COL26A1: variants seen among roughly 807,000 people sequenced by gnomAD.
COL26A1 encodes the protein collagen alpha-1(XXVI) chain.
A neutral mutation model predicts 59.3 loss-of-function variants in COL26A1; 41 were observed. The observed-to-expected ratio is 0.69, with a 90% CI of 0.54 to 0.90. The LOEUF (loss-of-function observed/expected upper bound fraction) is 0.90. Ranked by LOEUF, COL26A1 falls within the 40% of genes least tolerant of loss-of-function variation. The probability of loss-of-function intolerance (pLI) is 0.00; values close to 1 mark genes in which losing one functional copy is unlikely to be tolerated. For synonymous variants in COL26A1, 266 were observed against 256.0 expected (o/e 1.04, Z -0.37); for missense variants, 612 against 602.3 (o/e 1.02, Z -0.17).
rs918213031 is a variant in COL26A1, at chr7:101,399,738, C to T, written c.159-20239C>T. Among the ~76,000 whole-genome samples the T allele has an allele frequency of 3.3e-5, 5 of 152,224 alleles. No homozygotes were observed. The East Asian group carries it at 5.8e-4, about 18-fold the overall frequency. ...CCTCTCAGAGTGCTAGGATTACAGG[C>T]GTGAGCCATTGTGCCCCGCCTTCAT... is the stretch of plus-strand genomic sequence containing the variant. On this transcript the variant is annotated intron_variant, in intron 1 of 12. Transcript: ENST00000313669.
intron 3 of COL26A1, among the ~76,000 whole-genome samples, chr7:101,453,484 A>G (rs969897178): frequency 6.6e-6 from 1 of 152,228 alleles, no homozygotes; most frequent in Non-Finnish European, 1.5e-5. Flanking sequence ...TGGACTGATT[A>G]TGATGAGTTC....
chr7:101,510,056 C>T (rs1794892278), intron 3 of COL26A1, among the ~76,000 whole-genome samples: 1 of 124,192 alleles, frequency 8.1e-6, no homozygotes, highest in Non-Finnish European at 1.5e-5. Flanking sequence ...GGGTCTCACT[C>T]TGTCACCCAG....
chr7:101,518,056 C>A (rs180848995), intron 3 of COL26A1, among the ~76,000 whole-genome samples: 2 of 152,080 alleles, frequency 1.3e-5, no homozygotes, highest in African/African-American at 4.8e-5. Flanking sequence ...TCAAGAGATT[C>A]TCCCACCTCT....
intron 1 of COL26A1, among the ~76,000 whole-genome samples, chr7:101,398,331 G>GA (rs1470320245): frequency 2.0e-5 from 3 of 152,138 alleles, no homozygotes; most frequent in Non-Finnish European, 4.4e-5. Flanking sequence ...TGTCACCTGG[G>GA]AAGTCACAGG....
chr7:101,420,321 C>T (rs1346414333), intron 2 of COL26A1, among the ~76,000 whole-genome samples: 2 of 149,424 alleles, frequency 1.3e-5, no homozygotes, highest in Admixed American at 6.7e-5. Context: ...AACAGAACCA[C>T]ACAACCCAGT....
chr7:101,380,860 A>G (rs1261408980), intron 1 of COL26A1, among the ~76,000 whole-genome samples: 2 of 152,228 alleles, frequency 1.3e-5, no homozygotes, highest in African/African-American at 4.8e-5. Flanking sequence ...AGTAAATTCC[A>G]TAACTAACGA....
intron 3 of COL26A1, among the ~76,000 whole-genome samples, chr7:101,473,470 G>C (rs1259823310): frequency 8.5e-6 from 1 of 118,124 alleles, no homozygotes; most frequent in Non-Finnish European, 1.9e-5. Context: ...AGTCAAACCT[G>C]GTCCCACCAC....
intron 3 of COL26A1, among the ~76,000 whole-genome samples, chr7:101,496,528 G>A (rs1794588277): frequency 6.6e-6 from 1 of 152,140 alleles, no homozygotes; most frequent in African/African-American, 2.4e-5. Flanking sequence ...GGAAGAAGCT[G>A]TGTTCTACGC....
Position 101,496,282 on chromosome 7 carries a change from G to A in COL26A1, c.386-36800G>A, listed in dbSNP as rs73712174. On this transcript the variant is annotated intron_variant, in intron 3 of 12. Coordinates refer to ENST00000313669, the MANE Select transcript of COL26A1 (RefSeq NM_001278563.3). ...GGCCAGGGCCATGGGGTTAATGCCC[G>A]GGTAACTGAATAGGTTCATTGCCCA... Among the ~76,000 whole-genome samples the A allele has an allele frequency of 1.8e-3, 270 of 152,294 alleles. 1 individual carries two copies. Among genetic ancestry groups the A allele is most frequent in the African/African-American group, 6.3e-3 (261 of 41,544 alleles).
intron 1 of COL26A1, among the ~76,000 whole-genome samples, chr7:101,402,807 C>T (rs1288451872): frequency 1.4e-5 from 2 of 143,970 alleles, no homozygotes; most frequent in East Asian, 4.2e-4. Context: ...CTCCTCTCCC[C>T]TCTCCTCCCC....
chr7:101,386,257 GTTTTTTTTTTT>G (rs71106515), intron 1 of COL26A1, among the ~76,000 whole-genome samples: 1 of 117,674 alleles, frequency 8.5e-6, no homozygotes, highest in African/African-American at 3.3e-5. Context: ...GTCCTAGCTT[GTTTTTTTTTTT>G]TTTTTTTTTT....
rs529166819 is a variant in COL26A1 at position 101,491,023 on chromosome 7, G to A, written c.386-42059G>A. Among the ~76,000 whole-genome samples the A allele has an allele frequency of 2.4e-3, 366 of 150,514 alleles. 1 individual carries two copies. Among genetic ancestry groups the A allele is most frequent in the Middle Eastern group, 0.01 (3 of 290 alleles). ...AAATTAGCTGGGCATAGTGGCACAT[G>A]CCTGTATTCCCAGCTACTCAGGAGG... is the stretch of plus-strand genomic sequence containing the variant. On this transcript the variant is annotated intron_variant, in intron 3 of 12. Coordinates refer to ENST00000313669, the MANE Select transcript of COL26A1 (RefSeq NM_001278563.3).
At chr7:101,520,663 C>CACACACACACA (rs57784373) in intron 3 of COL26A1, among the ~76,000 whole-genome samples, 6 of 139,116 alleles carry the variant, frequency 4.3e-5, no homozygotes, top group South Asian at 4.3e-4. Flanking sequence ...CACACACACA[C>CACACACACACA]CCCCGTGTTC....
At chr7:101,401,673 A>G (rs1228332654) in intron 1 of COL26A1, among the ~76,000 whole-genome samples, 10 of 99,942 alleles carry the variant, frequency 1.0e-4, no homozygotes, top group Non-Finnish European at 2.1e-4. Flanking sequence ...GAGGAGGAAG[A>G]AGATGTTGGA....
At chr7:101,453,441 G>A (rs56333845) in intron 3 of COL26A1, among the ~76,000 whole-genome samples, 7,340 of 152,324 alleles carry the variant, frequency 0.048, 234 homozygotes, top group Non-Finnish European at 0.072. Flanking sequence ...TATGTGGCAT[G>A]TGACTGTACT....
chr7:101,393,183 T>C (rs1316011308), intron 1 of COL26A1, among the ~76,000 whole-genome samples: 3 of 152,034 alleles, frequency 2.0e-5, no homozygotes, highest in African/African-American at 4.8e-5. Flanking sequence ...TTTGTAATTT[T>C]AGTACAGACA....
chr7:101,502,833 A>T (rs1400991265), intron 3 of COL26A1, among the ~76,000 whole-genome samples: 2 of 152,152 alleles, frequency 1.3e-5, no homozygotes, highest in African/African-American at 2.4e-5. Context: ...CACTTACAGG[A>T]ACGGGCACTC....
chr7:101,514,194 C>T (rs951951540), intron 3 of COL26A1, among the ~76,000 whole-genome samples: 7 of 151,714 alleles, frequency 4.6e-5, no homozygotes, highest in Admixed American at 3.3e-4. Context: ...AAAAATTAGC[C>T]GGGCGTGGTG....
At chr7:101,466,681 C>T (rs568112060) in intron 3 of COL26A1, among the ~76,000 whole-genome samples, 51 of 152,042 alleles carry the variant, frequency 3.4e-4, no homozygotes, top group Non-Finnish European at 6.0e-4. Flanking sequence ...CACAGCGAGA[C>T]CCTGTCTCCA....
Sources: allele counts gnomAD v4.1 joint callset (sites outside exome capture counted in the v4.1 genomes callset), GRCh38; gene constraint gnomAD v4.1.1; transcripts MANE v1.5; gene names NCBI Gene and HGNC (gene_info 2026-07-23, HGNC 2026-07-21).